GLCCI1: variants seen among roughly 807,000 people sequenced by gnomAD.
GLCCI1 encodes glucocorticoid induced 1.
Under a neutral mutation model 52.2 loss-of-function variants are expected in GLCCI1, and 24 were observed. The ratio of observed to expected loss-of-function variants is 0.46; its 90% confidence interval spans 0.33 to 0.65. The LOEUF is 0.65. Among genes scored for constraint, GLCCI1 ranks in the 30% least tolerant of loss-of-function variants. The pLI is 0.02. For missense variants in GLCCI1, 704 were observed against 701.5 expected (o/e 1.00, Z -0.04); for synonymous variants, 310 against 276.5 (o/e 1.12, Z -1.20).
At chr7:8,055,232 AGTGAAGCATTT>A (rs1782357551) in intron 3 of GLCCI1, among the ~76,000 whole-genome samples, 190 bp from the exon 4 acceptor site, 1 of 152,234 alleles carries the variant, frequency 6.6e-6, no homozygotes, top group African/African-American at 2.4e-5. Flanking sequence ...AATTTGTAGA[AGTGAAGCATTT>A]GTAGCATATA....
rs2127971156 is a variant in GLCCI1 at position 8,087,937 on chromosome 7, G to A, written c.*1399G>A. ...CCCAGGCATTCCTGATTGGTCAATG[G>A]GAGAGCCTAACTTTCATTGTTTTCT... On this transcript the variant is annotated 3_prime_UTR_variant, in exon 8 of 8. Coordinates refer to ENST00000223145, the MANE Select transcript of GLCCI1 (RefSeq NM_138426.4). 1 of 152,610 alleles carries A rather than the reference G, an allele frequency of 6.6e-6. No homozygotes were observed. Among genetic ancestry groups the A allele is most frequent in the Non-Finnish European group, 1.5e-5 (1 of 68,018 alleles). The allele number at this position is 152,610 out of a possible 1,614,324, so 9.5% of individuals were successfully genotyped here. A position where few individuals can be genotyped will look rare whatever the true frequency, so the allele number is the denominator to read the frequency against.
chr7:8,073,913 G>C (rs1584021756), intron 6 of GLCCI1, among the ~76,000 whole-genome samples: 1 of 152,154 alleles, frequency 6.6e-6, no homozygotes, highest in Non-Finnish European at 1.5e-5. Context: ...CTGGAAAACT[G>C]TGTAGCTCTC....
At chr7:8,078,820 A>G (rs1782929274) in intron 6 of GLCCI1, 1 of 152,250 alleles carries the variant, frequency 6.6e-6, no homozygotes. Flanking sequence ...TGTGGAAACG[A>G]TTACCATCAT....
chr7:8,081,067 C>G (rs1349026618), intron 6 of GLCCI1, among the ~76,000 whole-genome samples: 1 of 152,148 alleles, frequency 6.6e-6, no homozygotes, highest in African/African-American at 2.4e-5. Flanking sequence ...ATCAGACTTA[C>G]CCTATGCCAT....
chr7:8,032,531 T>A (rs1448785500), intron 3 of GLCCI1, among the ~76,000 whole-genome samples: 3 of 151,954 alleles, frequency 2.0e-5, no homozygotes, highest in Non-Finnish European at 4.4e-5. Flanking sequence ...CAGACCCAAA[T>A]TACCAACTTC....
intron 3 of GLCCI1, among the ~76,000 whole-genome samples, chr7:8,042,123 T>G (rs1183864476): frequency 6.6e-6 from 1 of 152,192 alleles, no homozygotes; most frequent in Non-Finnish European, 1.5e-5. Flanking sequence ...ATTGACAATT[T>G]GCCTGGTCAC....
intron 3 of GLCCI1, among the ~76,000 whole-genome samples, chr7:8,049,572 AAATT>A (rs1338074291): frequency 6.6e-6 from 1 of 152,100 alleles, no homozygotes; most frequent in Non-Finnish European, 1.5e-5. Context: ...AAGGTCACAT[AAATT>A]GTTTATCAAA....
At chr7:8,014,055 T>C (rs1484058634) in intron 2 of GLCCI1, among the ~76,000 whole-genome samples, 1 of 151,392 alleles carries the variant, frequency 6.6e-6, no homozygotes, top group Non-Finnish European at 1.5e-5. Context: ...AATGGCACTG[T>C]CTTGGCTCAC....
intron 3 of GLCCI1, among the ~76,000 whole-genome samples, chr7:8,026,218 T>C (rs1433302919): frequency 1.3e-5 from 2 of 152,142 alleles, no homozygotes; most frequent in Admixed American, 1.3e-4. Flanking sequence ...AGACACATTA[T>C]AATCCCTAGA....
intron 7 of GLCCI1, among the ~76,000 whole-genome samples, chr7:8,085,460 C>T (rs1197398941): frequency 1.3e-5 from 2 of 152,196 alleles, no homozygotes; most frequent in East Asian, 3.9e-4. Context: ...TTGTTATCTT[C>T]ATGAAATTTT....
chr7:7,983,359 A>G (rs1205542807), intron 1 of GLCCI1, among the ~76,000 whole-genome samples: 1 of 152,206 alleles, frequency 6.6e-6, no homozygotes, highest in African/African-American at 2.4e-5. Context: ...AAAATATAAA[A>G]TAAATGTATA....
intron 1 of GLCCI1, among the ~76,000 whole-genome samples, chr7:7,986,926 A>C (rs775924984): frequency 6.6e-6 from 1 of 152,154 alleles, no homozygotes; most frequent in Non-Finnish European, 1.5e-5. Flanking sequence ...TCTACTGAAC[A>C]TGGTGGGGTT....
intron 2 of GLCCI1, 160 bp downstream of exon 2, chr7:8,004,219 GT>G: frequency 3.1e-6 from 2 of 641,546 alleles, no homozygotes; most frequent in Non-Finnish European, 5.0e-6. Flanking sequence ...TGCAGTAATT[GT>G]TTTTTGTCAT....
chr7:7,991,728 A>AC (rs1780841617), intron 1 of GLCCI1, among the ~76,000 whole-genome samples: 1 of 151,892 alleles, frequency 6.6e-6, no homozygotes, highest in Non-Finnish European at 1.5e-5. Context: ...CTCTTCTTCA[A>AC]CCCCCTCAGT....
intron 3 of GLCCI1, 38 bp downstream of exon 3, chr7:8,022,607 G>A (rs1345927987): frequency 5.2e-6 from 7 of 1,348,756 alleles, no homozygotes; most frequent in African/African-American, 1.5e-5. Context: ...ACCTGTTTTG[G>A]TCCTAGTAGA....
intron 6 of GLCCI1, among the ~76,000 whole-genome samples, chr7:8,073,189 T>TA (rs1402435941): frequency 6.6e-6 from 1 of 152,162 alleles, no homozygotes; most frequent in Non-Finnish European, 1.5e-5. Flanking sequence ...GTTTTGGACA[T>TA]AAAACCTGCA....
chr7:7,981,449 A>G (rs1225674586), intron 1 of GLCCI1, among the ~76,000 whole-genome samples: 2 of 152,006 alleles, frequency 1.3e-5, no homozygotes, highest in Non-Finnish European at 2.9e-5. Flanking sequence ...TAGCCTCCCA[A>G]GTAGCTGGGA....
At position 8,002,435 on chromosome 7, in the gene GLCCI1, T is replaced by C. The variant is rs538681446; in HGVS notation, c.458-1473T>C. 3.9e-5 allele frequency among the ~76,000 whole-genome samples: 6 copies of C among 152,336 alleles called. No homozygotes were observed. In the South Asian group the frequency reaches 1.2e-3, roughly 32 times the overall value. ...TAGAAATGGGTTCCATTAGATTCTC[T>C]GCCTTCAGTATAATACAATTAGAGC... On this transcript the variant is annotated intron_variant, in intron 1 of 7. Coordinates refer to ENST00000223145, the MANE Select transcript of GLCCI1 (RefSeq NM_138426.4).
At chr7:8,011,127 C>A (rs258848) in intron 2 of GLCCI1, among the ~76,000 whole-genome samples, 73,490 of 148,556 alleles carry the variant, frequency 0.49, 18,074 homozygotes, top group Middle Eastern at 0.6. Flanking sequence ...TCCTCCCACA[C>A]AAAAAAAAAT....
Sources: allele counts gnomAD v4.1 joint callset (sites outside exome capture counted in the v4.1 genomes callset), GRCh38; gene constraint gnomAD v4.1.1; transcripts MANE v1.5; gene names NCBI Gene and HGNC (gene_info 2026-07-23, HGNC 2026-07-21).